The following TMPRSS15 variants were observed in gnomAD, a reference collection of about 807,000 sequenced individuals.
TMPRSS15 encodes the protein enteropeptidase.
Under a neutral mutation model 125.3 loss-of-function variants are expected in TMPRSS15, and 128 were observed. The observed-to-expected ratio is 1.02, with a 90% CI of 0.89 to 1.18. TMPRSS15 has a LOEUF of 1.18. Ranked by LOEUF, TMPRSS15 falls within the 50% of genes most tolerant of loss-of-function variation. TMPRSS15 has a pLI of 0.00. For synonymous variants in TMPRSS15, 446 were observed against 423.2 expected, an observed-to-expected ratio of 1.05 and a Z score of -0.66; for missense variants, 1,283 against 1,212.7, an observed-to-expected ratio of 1.06 and a Z score of -0.86.
intron 24 of TMPRSS15, 141 bp downstream of exon 24, chr21:18,275,056 C>T: frequency 8.7e-7 from 1 of 1,151,860 alleles, no homozygotes; most frequent in Non-Finnish European, 1.3e-6. Context: ...GAGGATTACG[C>T]AAATAGGCAA....
At chr21:18,278,501 C>T (rs2074647606) in intron 23 of TMPRSS15, among the ~76,000 whole-genome samples, 1 of 152,022 alleles carries the variant, frequency 6.6e-6, no homozygotes, top group African/African-American at 2.4e-5. Flanking sequence ...AGGCGGATCA[C>T]GAGGTCAGGA....
intron 13 of TMPRSS15, 48 bp downstream of exon 13, chr21:18,341,365 C>CT (rs1330407335): frequency 6.2e-7 from 1 of 1,612,548 alleles, no homozygotes; most frequent in African/African-American, 1.3e-5. Flanking sequence ...GCCTCCACAC[C>CT]TGACGTTAAT....
chr21:18,342,579 G>T (rs2075459899), intron 12 of TMPRSS15, among the ~76,000 whole-genome samples: 1 of 152,140 alleles, frequency 6.6e-6, no homozygotes, highest in Non-Finnish European at 1.5e-5. Context: ...AGCCACATCT[G>T]GCCACTGCAA....
intron 1 of TMPRSS15, among the ~76,000 whole-genome samples, chr21:18,463,976 C>T (rs1477245972): frequency 6.6e-6 from 1 of 151,754 alleles, no homozygotes; most frequent in Non-Finnish European, 1.5e-5. Flanking sequence ...AGATGGAGAC[C>T]ATCCTGGCAA....
chr21:18,428,860 A>T (rs1228181816), intron 1 of TMPRSS15, among the ~76,000 whole-genome samples: 1 of 152,128 alleles, frequency 6.6e-6, no homozygotes, highest in Non-Finnish European at 1.5e-5. Context: ...CACCTAGTGG[A>T]GCTGTGAGAA....
In TMPRSS15 at chr21:18,341,188, G is replaced by A. The variant is rs202147148; in HGVS notation, c.1564+225C>T. Among the ~76,000 whole-genome samples, 39 of 152,076 alleles carry A rather than the reference G, an allele frequency of 2.6e-4. No individual in the cohort carries two copies. In the East Asian group the frequency reaches 6.2e-3, roughly 24 times the overall value. ...GAGTCCCTCCTGCCTCAGCCTCTCC[G>A]GTAGCTGGGACTACAGGTATGCACC... On this transcript the variant is annotated intron_variant, in intron 13 of 24. Coordinates refer to ENST00000284885, the MANE Select transcript of TMPRSS15 (RefSeq NM_002772.3).
chr21:18,344,684 G>C (rs955857763), intron 10 of TMPRSS15, among the ~76,000 whole-genome samples: 3 of 152,158 alleles, frequency 2.0e-5, no homozygotes, highest in African/African-American at 7.2e-5. Flanking sequence ...GTGCTTGCTG[G>C]TCTGAAATTC....
chr21:18,341,644 G>C lies in TMPRSS15; in HGVS notation c.1429-96C>G, dbSNP rs916271331. On this transcript the variant is annotated intron_variant, in intron 12 of 24. Transcript: ENST00000284885. ...AGCCCAAGAGATTCAATATTGTCTA[G>C]AGATTCAATATTGTCACCTTGAACT... 3.1e-6 allele frequency: 4 copies of C among 1,297,152 alleles called. No homozygotes were observed. The African/African-American group carries it at 5.8e-5, about 19-fold the overall frequency. The allele number at this position is 1,297,152 out of a possible 1,614,324, so 80.4% of individuals were successfully genotyped here.
At position 18,383,122 on chromosome 21, in the gene TMPRSS15, G is replaced by A. The variant is rs533297131; in HGVS notation, c.496+505C>T. On this transcript the variant is annotated intron_variant, in intron 4 of 24. Transcript: ENST00000284885. ...TCTAGAGAGAGTTCCTGAAGTCAGGGTGTGCTTGAACGGTGCAAAGAATGC... is the reference window on the plus strand; with the variant it reads ...TCTAGAGAGAGTTCCTGAAGTCAGGATGTGCTTGAACGGTGCAAAGAATGC... Among the ~76,000 whole-genome samples the A allele has an allele frequency of 5.9e-5, 9 of 152,238 alleles. No individual in the cohort carries two copies. In the South Asian group the frequency reaches 1.9e-3, roughly 32 times the overall value.
At chr21:18,395,427 C>T (rs1449119538) in intron 3 of TMPRSS15, among the ~76,000 whole-genome samples, 1 of 152,126 alleles carries the variant, frequency 6.6e-6, no homozygotes, top group Non-Finnish European at 1.5e-5. Context: ...ACTTCACAAA[C>T]CCCTAGTGAG....
intron 1 of TMPRSS15, among the ~76,000 whole-genome samples, chr21:18,474,667 C>G (rs1425513685): frequency 6.6e-6 from 1 of 152,118 alleles, no homozygotes; most frequent in Non-Finnish European, 1.5e-5. Context: ...GAGAATTCTT[C>G]AAAGAAGCTA....
rs544982108 is a variant in TMPRSS15 at position 18,470,907 on chromosome 21, C to T, written c.10+14892G>A. 1.1e-4 allele frequency among the ~76,000 whole-genome samples: 16 copies of T among 152,072 alleles called. No individual in the cohort carries two copies. The South Asian group carries it at 3.3e-3, about 32-fold the overall frequency. ...GGAAAAAAGTATCCATAGAATGATT[C>T]TCTGGGGAACCGATTTTTGTATCTT... On this transcript the variant is annotated intron_variant, in intron 1 of 7. Coordinates refer to the TMPRSS15 transcript ENST00000422787.
chr21:18,391,501 C>T (rs565487550), intron 3 of TMPRSS15, among the ~76,000 whole-genome samples: 1 of 152,374 alleles, frequency 6.6e-6, no homozygotes, highest in East Asian at 1.9e-4. Context: ...CCATGTCTCA[C>T]ATCCACGGCA....
At chr21:18,323,009 A>T (rs2075254680) in intron 16 of TMPRSS15, among the ~76,000 whole-genome samples, 1 of 152,234 alleles carries the variant, frequency 6.6e-6, no homozygotes. Context: ...TGTAATTATT[A>T]TGAGTCCATA....
chr21:18,441,546 G>T (rs2076241501), intron 1 of TMPRSS15, among the ~76,000 whole-genome samples: 1 of 146,602 alleles, frequency 6.8e-6, no homozygotes, highest in Admixed American at 6.8e-5. Context: ...GGCAGATGTT[G>T]CAGTGAGCTG....
chr21:18,413,029 C>T (rs1014727210), intron 1 of TMPRSS15, among the ~76,000 whole-genome samples: 5 of 152,106 alleles, frequency 3.3e-5, no homozygotes, highest in East Asian at 1.9e-4. Flanking sequence ...CTTTTAGAGA[C>T]GAAACTAACT....
In TMPRSS15 at chr21:18,281,205, A is replaced by G. The variant is rs377265908; in HGVS notation, c.2503T>C (p.Ser835Pro). 3.1e-6 allele frequency: 5 copies of G among 1,614,034 alleles called. No individual in the cohort carries two copies. The highest frequency in any genetic ancestry group is 1.7e-5 in the Admixed American group (1 of 60,024). ...AGGCCTAGGATTGCTGTCCACTTGG[A>G]TGGCTCTAAGTTTCTCCTGAAAATT... ...HCVYGRNLEPSKWTAILGLHM... is the reference protein window; with the variant it reads ...HCVYGRNLEPPKWTAILGLHM... The change falls in exon 22 of 25, where the codon TCC becomes CCC. Residue 835 changes from serine (S) to proline (P), a missense_variant. Coordinates refer to ENST00000284885, the MANE Select transcript of TMPRSS15 (RefSeq NM_002772.3).
At chr21:18,270,247 GT>G (rs2074539151) in intron 24 of TMPRSS15, 123 bp from the exon 25 acceptor site, 1 of 835,390 alleles carries the variant, frequency 1.2e-6, no homozygotes, top group Non-Finnish European at 1.8e-6. Context: ...TTAATTGCAA[GT>G]CATCTGTATA....
chr21:18,470,689 AATAG>A (rs1349500353), intron 1 of TMPRSS15, among the ~76,000 whole-genome samples: 1 of 152,064 alleles, frequency 6.6e-6, no homozygotes, highest in African/African-American at 2.4e-5. Flanking sequence ...TGCAATTATC[AATAG>A]ATAAACTTCA....
Sources: allele counts gnomAD v4.1 joint callset (sites outside exome capture counted in the v4.1 genomes callset), GRCh38; gene constraint gnomAD v4.1.1; transcripts MANE v1.5; gene names NCBI Gene and HGNC (gene_info 2026-07-23, HGNC 2026-07-21).